Variants in VWA2 observed in about 807,000 individuals in gnomAD.
The protein encoded by VWA2 is von Willebrand factor A domain-containing protein 2.
VWA2 carries 73 observed loss-of-function variants against 70.4 expected under a neutral mutation model. That is an observed-to-expected ratio of 1.04 (90% CI 0.86 to 1.26). The LOEUF (loss-of-function observed/expected upper bound fraction) is 1.26, where lower values mean the gene tolerates loss of function less well. VWA2 is among the 50% of genes most tolerant of loss of function. The pLI is 0.00. For missense variants in VWA2, 1,011 were observed against 998.5 expected (o/e 1.01, Z -0.17); for synonymous variants, 407 against 423.3 (o/e 0.96, Z 0.47).
chr10:114,254,915 T>C lies in VWA2; in HGVS notation c.128T>C (p.Met43Thr), dbSNP rs561645189. The change falls in exon 4 of 14, where the codon ATG becomes ACG. Residue 43 changes from methionine to threonine, a missense_variant and splice_region_variant. Met to Thr is a moderately conservative substitution (Grantham distance 81). Transcript: ENST00000392982. ...CATCTGTCTGTCCCGCTCTCCCTAGTGATGTGGTGCTCGGCTGCAGTGGAC... is the reference window on the plus strand; with the variant it reads ...CATCTGTCTGTCCCGCTCTCCCTAGCGATGTGGTGCTCGGCTGCAGTGGAC... ...TIGKISAASK[M>T]MWCSAAVDIM... is the part of the protein sequence containing the mutation. 8.1e-6 allele frequency: 13 copies of C among 1,613,246 alleles called. No individual in the cohort carries two copies. In the African/African-American group the frequency reaches 1.5e-4, roughly 18 times the overall value.
rs1318591974 is a variant in VWA2, at chr10:114,289,392, G to A, written c.2025G>A (p.Leu675=). The A allele has an allele frequency of 2.5e-6, 4 of 1,602,086 alleles. No homozygotes were observed. Among genetic ancestry groups the A allele is most frequent in the South Asian group, 1.1e-5 (1 of 90,962 alleles). ...VGVGPVLSEG[L]RRLAGPRDSL... ...TGGGGCCTGTCCTAAGTGAGGGTCT[G>A]CGGAGGCTTGCAGGTCCCCGGGATT... Residue 675 remains leucine, a synonymous_variant, in exon 12 of 14, where the codon CTG becomes CTA. Coordinates refer to ENST00000392982, the MANE Select transcript of VWA2 (RefSeq NM_001272046.2).
At chr10:114,278,877 C>T (rs762195922) in intron 8 of VWA2, 26 bp downstream of exon 8, 4 of 1,610,984 alleles carry the variant, frequency 2.5e-6, no homozygotes, top group South Asian at 2.2e-5. Context: ...CTGGGCTCGG[C>T]CTGGGTGGAG....
At chr10:114,266,847 T>G (rs7069675) in intron 5 of VWA2, among the ~76,000 whole-genome samples, 15,446 of 152,264 alleles carry the variant, frequency 0.1, 986 homozygotes, top group African/African-American at 0.17. Context: ...TCAAACCACA[T>G]TAACGTTTAA....
At chr10:114,248,652 C>A in intron 1 of VWA2, 52 bp from the exon 2 acceptor site, 3 of 1,491,642 alleles carry the variant, frequency 2.0e-6, no homozygotes, top group Non-Finnish European at 2.8e-6. Flanking sequence ...TGACTTGGGG[C>A]GTTCACAGAA....
rs146618772 is a variant in VWA2, at chr10:114,286,351, G to A, written c.1410G>A (p.Ala470=). The change falls in exon 11 of 14, where the codon GCG becomes GCA. Residue 470 remains alanine (A), a synonymous_variant. Coordinates refer to ENST00000392982, the MANE Select transcript of VWA2 (RefSeq NM_001272046.2). ...EVAGPARHAR[A]RELLLLGVGS... is the part of the protein sequence containing the mutation. ...CGGGCCCAGCGCGTCACGCAAGGGC[G>A]CGAGAGCTGCTCCTGCTGGGTGTAG... The A allele has an allele frequency of 9.2e-5, 148 of 1,613,660 alleles. No homozygotes were observed. The Middle Eastern group carries it at 1.5e-3, about 16-fold the overall frequency.
intron 1 of VWA2, among the ~76,000 whole-genome samples, chr10:114,247,201 AAAG>A (rs1195644067): frequency 1.3e-5 from 2 of 152,112 alleles, no homozygotes; most frequent in Non-Finnish European, 2.9e-5. Context: ...AAAAAAAAAA[AAAG>A]ATTTCTGTAC....
chr10:114,280,224 C>T (rs2038000191), intron 8 of VWA2, among the ~76,000 whole-genome samples: 1 of 152,234 alleles, frequency 6.6e-6, no homozygotes, highest in African/African-American at 2.4e-5. Flanking sequence ...CATTTCTTCA[C>T]TCAAGAAATA....
At chr10:114,263,907 A>G (rs2037502465) in intron 5 of VWA2, among the ~76,000 whole-genome samples, 1 of 152,246 alleles carries the variant, frequency 6.6e-6, no homozygotes, top group Non-Finnish European at 1.5e-5. Context: ...GTACACAAAA[A>G]GATTGTCAAC....
intron 9 of VWA2, among the ~76,000 whole-genome samples, chr10:114,284,323 C>T (rs2038576017): frequency 6.6e-6 from 1 of 152,118 alleles, no homozygotes; most frequent in African/African-American, 2.4e-5. Flanking sequence ...TCACAATAAC[C>T]CCACAGAACA....
chr10:114,269,474 G>C (rs571933160), intron 5 of VWA2, among the ~76,000 whole-genome samples: 2 of 152,110 alleles, frequency 1.3e-5, no homozygotes, highest in Non-Finnish European at 2.9e-5. Flanking sequence ...CCAGCTACTC[G>C]GGAGGCTGAG....
chr10:114,287,155 A>G (rs527755618), intron 11 of VWA2, among the ~76,000 whole-genome samples: 20 of 152,300 alleles, frequency 1.3e-4, no homozygotes, highest in African/African-American at 4.6e-4. Flanking sequence ...GGCCTGGCCC[A>G]TGGCCAGAGA....
At chr10:114,279,186 C>T (rs2037934424) in intron 8 of VWA2, among the ~76,000 whole-genome samples, 1 of 152,120 alleles carries the variant, frequency 6.6e-6, no homozygotes, top group Non-Finnish European at 1.5e-5. Flanking sequence ...CCTCTGAGCA[C>T]CAGTTTCCAC....
At chr10:114,277,768 T>TAA in intron 6 of VWA2, 146 bp from the exon 7 acceptor site, 1 of 1,037,854 alleles carries the variant, frequency 9.6e-7, no homozygotes, top group Non-Finnish European at 1.3e-6. Flanking sequence ...CCATTCCGGT[T>TAA]AACTGTTTTC....
chr10:114,288,810 G>A (rs1426648288), intron 11 of VWA2, 128 bp from the exon 12 acceptor site: 13 of 866,866 alleles, frequency 1.5e-5, no homozygotes, highest in Non-Finnish European at 2.0e-5. Context: ...AGACATAGAG[G>A]GTGTATTCTG....
At chr10:114,276,770 C>T (rs907497768) in intron 6 of VWA2, among the ~76,000 whole-genome samples, 5 of 150,756 alleles carry the variant, frequency 3.3e-5, no homozygotes, top group East Asian at 2.0e-4. Context: ...TCTCCCGCCT[C>T]GGCCTCCCAA....
chr10:114,246,505 C>CAA (rs570510812), intron 1 of VWA2: 15,623 of 378,492 alleles, frequency 0.041, 29 homozygotes, highest in South Asian at 0.056. Context: ...AACTCCATCT[C>CAA]AAAAAAAAAA....
intron 7 of VWA2, 132 bp downstream of exon 7, chr10:114,278,179 C>T: frequency 1.5e-6 from 2 of 1,302,796 alleles, no homozygotes; most frequent in Non-Finnish European, 2.1e-6. Context: ...CCGGCAGCCT[C>T]CACCCTGGAT....
rs764760244 is a variant in VWA2 at position 114,272,976 on chromosome 10, G to T, written c.566+42G>T. ...CCCTGGATCAGCCCTCAGGTGGTCA[G>T]CCTGGGGATCGTGACATGGCCATGG... On this transcript the variant is annotated intron_variant, in intron 6 of 13. Coordinates refer to ENST00000392982, the MANE Select transcript of VWA2 (RefSeq NM_001272046.2). 7.7e-6 allele frequency: 12 copies of T among 1,550,164 alleles called. No homozygotes were observed. The Middle Eastern group carries it at 6.4e-4, about 82-fold the overall frequency.
At chr10:114,287,625 A>C (rs1257707362) in intron 11 of VWA2, among the ~76,000 whole-genome samples, 1 of 150,684 alleles carries the variant, frequency 6.6e-6, no homozygotes. Flanking sequence ...TTGGCTGCCC[A>C]CTCCCACCCT....
Sources: allele counts gnomAD v4.1 joint callset (sites outside exome capture counted in the v4.1 genomes callset), GRCh38; gene constraint gnomAD v4.1.1; transcripts MANE v1.5; gene names NCBI Gene and HGNC (gene_info 2026-07-23, HGNC 2026-07-21).